The following HDAC8 variants were observed in gnomAD, a reference collection of about 807,000 sequenced individuals.
The protein encoded by HDAC8 is histone deacetylase-like 1.
In HDAC8, 1 loss-of-function variant was observed where a neutral mutation model predicts 32.2. The ratio of observed to expected loss-of-function variants is 0.03; its 90% CI spans 0.01 to 0.15. The LOEUF is 0.15. Ranked by LOEUF, HDAC8 falls within the 10% of genes least tolerant of loss-of-function variation. The pLI, the probability that HDAC8 is intolerant of heterozygous loss-of-function variation, is 1.00. For missense variants in HDAC8, 117 were observed against 300.0 expected, an observed-to-expected ratio of 0.39 and a Z score of 4.51; for synonymous variants, 108 against 113.9, an observed-to-expected ratio of 0.95 and a Z score of 0.33.
In HDAC8 at chrX:72,329,663, T is replaced by A; in HGVS notation, c.*391A>T. ...GGTCCTGAGGCCCAAACCCTGCCTG[T>A]CAGCTGCCTCCTGCCCTACAAACTG... On this transcript the variant is annotated 3_prime_UTR_variant, in exon 11 of 11. Coordinates refer to ENST00000373573, the MANE Select transcript of HDAC8 (RefSeq NM_018486.3). 8.4e-7 allele frequency: 1 copy of A among 1,186,106 alleles called. No homozygotes were observed. The highest frequency in any genetic ancestry group is 1.1e-6 in the Non-Finnish European group (1 of 882,204).
chrX:72,544,077 A>G (rs1277793444), intron 4 of HDAC8, among the ~76,000 whole-genome samples: 1 of 112,520 alleles, frequency 8.9e-6, no homozygotes, highest in Non-Finnish European at 1.9e-5. Context: ...ATTCTGAAAC[A>G]GGATGGGTGC....
At chrX:72,451,208 T>G (rs782679397) in intron 9 of HDAC8, among the ~76,000 whole-genome samples, 1 of 110,688 alleles carries the variant, frequency 9.0e-6, no homozygotes, top group African/African-American at 3.3e-5. Context: ...TTTTTTTTTT[T>G]CCTTTTGAGA....
intron 9 of HDAC8, among the ~76,000 whole-genome samples, chrX:72,437,930 A>G (rs1435992035): frequency 4.5e-5 from 5 of 112,046 alleles, no homozygotes; most frequent in Non-Finnish European, 9.4e-5. Context: ...GCAGACTTAA[A>G]CGTTCCTGCC....
At chrX:72,340,486 G>T (rs190897547) in intron 10 of HDAC8, among the ~76,000 whole-genome samples, 3 of 111,631 alleles carry the variant, frequency 2.7e-5, no homozygotes, top group Middle Eastern at 4.6e-3. Context: ...GCTCTATTTT[G>T]CCCCACCCAA....
intron 6 of HDAC8, among the ~76,000 whole-genome samples, chrX:72,489,732 A>C (rs2048798291): frequency 9.0e-6 from 1 of 111,337 alleles, no homozygotes; most frequent in African/African-American, 3.3e-5. Context: ...CAATGGCAAC[A>C]AAAGCCAAAA....
intron 9 of HDAC8, among the ~76,000 whole-genome samples, chrX:72,398,110 T>C (rs1555966142): frequency 8.9e-6 from 1 of 112,006 alleles, no homozygotes. Context: ...TAACACTTAG[T>C]GTTGTTTAAA....
chrX:72,360,896 C>T (rs912386099), intron 9 of HDAC8, among the ~76,000 whole-genome samples: 2 of 111,961 alleles, frequency 1.8e-5, no homozygotes, highest in African/African-American at 6.5e-5. Flanking sequence ...GGCTTTACAA[C>T]ACAGACAAAC....
At chrX:72,433,593 A>G (rs1259982551) in intron 9 of HDAC8, among the ~76,000 whole-genome samples, 1 of 111,984 alleles carries the variant, frequency 8.9e-6, no homozygotes, top group Non-Finnish European at 1.9e-5. Flanking sequence ...AATTATACCC[A>G]ATATCGTGTG....
intron 4 of HDAC8, among the ~76,000 whole-genome samples, chrX:72,532,335 C>T (rs1207166254): frequency 1.0e-5 from 1 of 97,134 alleles, no homozygotes; most frequent in African/African-American, 3.8e-5. Flanking sequence ...CTCAAGCAAT[C>T]CTCCCACCTT....
At chrX:72,421,239 T>C (rs2046481515) in intron 9 of HDAC8, among the ~76,000 whole-genome samples, 1 of 111,745 alleles carries the variant, frequency 8.9e-6, no homozygotes, top group African/African-American at 3.3e-5. Flanking sequence ...TCTTCAACTT[T>C]TATTTTAAGC....
chrX:72,538,081 T>C (rs1556040426), intron 4 of HDAC8, among the ~76,000 whole-genome samples: 1 of 111,780 alleles, frequency 8.9e-6, no homozygotes, highest in Non-Finnish European at 1.9e-5. Flanking sequence ...AATACAGTTA[T>C]ATTAAAGACA....
intron 9 of HDAC8, among the ~76,000 whole-genome samples, chrX:72,370,126 C>G (rs189584063): frequency 2.7e-5 from 3 of 112,193 alleles, no homozygotes; most frequent in Admixed American, 1.9e-4. Context: ...TCCTGAAGCT[C>G]CTAGGGTTAG....
At chrX:72,490,659 C>T (rs1189224585) in intron 6 of HDAC8, among the ~76,000 whole-genome samples, 7 of 103,591 alleles carry the variant, frequency 6.8e-5, no homozygotes, top group African/African-American at 2.5e-4. Context: ...TGCTAAATGA[C>T]GAGTTAATGG....
At chrX:72,514,138 G>A (rs781950125) in intron 4 of HDAC8, among the ~76,000 whole-genome samples, 2 of 112,481 alleles carry the variant, frequency 1.8e-5, no homozygotes, top group East Asian at 5.6e-4. Flanking sequence ...GATCAGGAGG[G>A]TGGAAGATAT....
chrX:72,457,511 A>G (rs1326272701), intron 9 of HDAC8, among the ~76,000 whole-genome samples: 2 of 112,877 alleles, frequency 1.8e-5, no homozygotes, highest in African/African-American at 3.2e-5. Context: ...GCAAGGTTAC[A>G]TTATTCAAGA....
intron 4 of HDAC8, among the ~76,000 whole-genome samples, chrX:72,534,073 CTA>C (rs1302611123): frequency 9.1e-6 from 1 of 109,919 alleles, no homozygotes; most frequent in Non-Finnish European, 1.9e-5. Context: ...AGAAGTAAAA[CTA>C]TGTCTGTTGG....
chrX:72,556,014 G>A (rs1286732626), intron 4 of HDAC8, among the ~76,000 whole-genome samples: 1 of 111,959 alleles, frequency 8.9e-6, no homozygotes, highest in Non-Finnish European at 1.9e-5. Flanking sequence ...AAAGCATGAG[G>A]TAACCTATAA....
chrX:72,412,555 A>C (rs1448317123), intron 9 of HDAC8, among the ~76,000 whole-genome samples: 2 of 111,578 alleles, frequency 1.8e-5, no homozygotes, highest in African/African-American at 6.5e-5. Context: ...TCCTACAGGC[A>C]CTTTGGGTAG....
rs148136580 is a variant in HDAC8, at chrX:72,335,171, G to A, written c.1112-5095C>T. Reference sequence around the variant, plus strand: ...GTGTGATACATTTATTATAGTTAGTGAATGGATACTGATACATTATCATTA... The same window carrying A: ...GTGTGATACATTTATTATAGTTAGTAAATGGATACTGATACATTATCATTA... On this transcript the variant is annotated intron_variant, in intron 10 of 10. Transcript: ENST00000373573. Among the ~76,000 whole-genome samples, 760 of 112,178 alleles carry A rather than the reference G, an allele frequency of 6.8e-3. 5 individuals carry two copies. Among genetic ancestry groups the A allele is most frequent in the African/African-American group, 0.023 (724 of 30,855 alleles).
Sources: allele counts gnomAD v4.1 joint callset (sites outside exome capture counted in the v4.1 genomes callset), GRCh38; gene constraint gnomAD v4.1.1; transcripts MANE v1.5; gene names NCBI Gene and HGNC (gene_info 2026-07-23, HGNC 2026-07-21).